CDH12: variants seen among roughly 807,000 people sequenced by gnomAD.
The protein encoded by CDH12 is cadherin-12.
A neutral mutation model predicts 74.1 loss-of-function variants in CDH12; 41 were observed. The ratio of observed to expected loss-of-function variants is 0.55; its 90% CI spans 0.43 to 0.72. The LOEUF (loss-of-function observed/expected upper bound fraction) is 0.72, where lower values mean the gene tolerates loss of function less well. Among genes scored for constraint, CDH12 ranks in the 30% least tolerant of loss-of-function variants. CDH12 has a pLI of 0.00. For missense variants in CDH12, 945 were observed against 977.2 expected, an observed-to-expected ratio of 0.97 and a Z score of 0.44; for synonymous variants, 399 against 355.0, an observed-to-expected ratio of 1.12 and a Z score of -1.39.
chr5:22,491,455 A>G (rs143624740), intron 2 of CDH12, among the ~76,000 whole-genome samples: 13 of 152,176 alleles, frequency 8.5e-5, no homozygotes, highest in Non-Finnish European at 1.8e-4. Context: ...AATTCATGGG[A>G]TCATCTATTA....
intron 10 of CDH12, among the ~76,000 whole-genome samples, chr5:21,783,984 T>C (rs1746064071): frequency 6.6e-6 from 1 of 152,140 alleles, no homozygotes; most frequent in South Asian, 2.1e-4. Flanking sequence ...ATTTGGTAAT[T>C]ATACAAAAAT....
At chr5:21,753,750 C>T (rs16888500) in intron 14 of CDH12, among the ~76,000 whole-genome samples, 6,396 of 152,170 alleles carry the variant, frequency 0.042, 169 homozygotes, top group Middle Eastern at 0.082. Context: ...GCTCTGTGGA[C>T]GCTCTGGAAG....
chr5:22,155,209 A>C (rs1747946068), intron 4 of CDH12, among the ~76,000 whole-genome samples: 1 of 152,142 alleles, frequency 6.6e-6, no homozygotes, highest in South Asian at 2.1e-4. Context: ...CTCTATTTTA[A>C]GGTCAAGTGT....
Position 21,819,220 on chromosome 5 carries a change from T to C in CDH12, c.815-2088A>G, listed in dbSNP as rs550133421. ...ACTACTTTCTTTAGATCATAAATAT[T>C]TCTTAATAGATAAATTAAACCATGA... On this transcript the variant is annotated intron_variant, in intron 8 of 14. Coordinates refer to ENST00000382254, the MANE Select transcript of CDH12 (RefSeq NM_004061.5). Among the ~76,000 whole-genome samples, 17 of 152,098 alleles carry C rather than the reference T, an allele frequency of 1.1e-4. No homozygotes were observed. In the East Asian group the frequency reaches 3.3e-3, roughly 29 times the overall value.
At chr5:22,609,907 A>C (rs2126824667) in intron 1 of CDH12, among the ~76,000 whole-genome samples, 1 of 151,300 alleles carries the variant, frequency 6.6e-6, no homozygotes, top group Admixed American at 6.6e-5. Context: ...CTAGTGTATA[A>C]GCTGATTTAC....
At chr5:21,887,679 T>A (rs1349983685) in intron 6 of CDH12, among the ~76,000 whole-genome samples, 1 of 152,164 alleles carries the variant, frequency 6.6e-6, no homozygotes. Flanking sequence ...CATGGACTTT[T>A]TTGAGTAGCC....
intron 3 of CDH12, among the ~76,000 whole-genome samples, chr5:22,214,731 A>G (rs1189497966): frequency 6.6e-6 from 1 of 152,176 alleles, no homozygotes; most frequent in Non-Finnish European, 1.5e-5. Context: ...ACCAACTAAA[A>G]CAGGTGCACA....
At chr5:21,853,486 T>G (rs574047541) in intron 7 of CDH12, among the ~76,000 whole-genome samples, 1 of 151,590 alleles carries the variant, frequency 6.6e-6, no homozygotes, top group African/African-American at 2.4e-5. Context: ...CTGGCCCCTA[T>G]TGGCTTAATG....
intron 12 of CDH12, among the ~76,000 whole-genome samples, chr5:21,761,501 C>T (rs1744715395): frequency 6.6e-6 from 1 of 152,006 alleles, no homozygotes; most frequent in South Asian, 2.1e-4. Flanking sequence ...GAGTGTTGGC[C>T]AGATAATCAT....
intron 3 of CDH12, among the ~76,000 whole-genome samples, chr5:22,359,209 G>T (rs968340976): frequency 7.9e-5 from 12 of 152,278 alleles, no homozygotes; most frequent in African/African-American, 2.6e-4. Flanking sequence ...GACACACATA[G>T]GCTCAAAATA....
intron 5 of CDH12, among the ~76,000 whole-genome samples, chr5:22,021,297 C>T (rs1029094102): frequency 3.9e-5 from 6 of 152,188 alleles, no homozygotes; most frequent in African/African-American, 1.4e-4. Flanking sequence ...TTTTGAAGCC[C>T]TTTGAATTTT....
At chr5:21,883,641 A>G in intron 6 of CDH12, 1 of 1,612,042 alleles carries the variant, frequency 6.2e-7, no homozygotes, top group Non-Finnish European at 8.5e-7. Flanking sequence ...GGTCATTGTG[A>G]CCAAAGACGA....
In CDH12 at chr5:22,476,350, G is replaced by C. The variant is rs1238556934; in HGVS notation, c.-428+28920C>G. 6.5e-4 allele frequency among the ~76,000 whole-genome samples: 99 copies of C among 152,104 alleles called. 2 individuals carry two copies. The highest frequency in any genetic ancestry group is 2.4e-3 in the African/African-American group (99 of 41,512). ...CAAATTATATGTTTTATTGTTTATT[G>C]AATGGTACACATCATTCATATTAAA... On this transcript the variant is annotated intron_variant, in intron 2 of 14. Transcript: ENST00000382254.
intron 6 of CDH12, among the ~76,000 whole-genome samples, chr5:21,960,010 T>C (rs1009228229): frequency 1.3e-5 from 2 of 149,868 alleles, no homozygotes; most frequent in Non-Finnish European, 3.0e-5. Context: ...AACCTAAATA[T>C]ATATGCACCC....
chr5:21,769,922 A>T (rs1431651715), intron 11 of CDH12, among the ~76,000 whole-genome samples: 1 of 152,236 alleles, frequency 6.6e-6, no homozygotes, highest in Non-Finnish European at 1.5e-5. Context: ...GATGGAAAAC[A>T]TTGATATAAT....
At chr5:22,185,199 C>CTCT (rs1554018728) in intron 4 of CDH12, among the ~76,000 whole-genome samples, 17 of 138,120 alleles carry the variant, frequency 1.2e-4, no homozygotes, top group East Asian at 2.1e-4. Context: ...CTCTCTCTCT[C>CTCT]TTTTTTTTTT....
chr5:22,809,904 A>G (rs1260350238), intron 1 of CDH12, among the ~76,000 whole-genome samples: 6 of 152,130 alleles, frequency 3.9e-5, no homozygotes, highest in Non-Finnish European at 8.8e-5. Flanking sequence ...CCCAATAAAT[A>G]TACTAATTCA....
At chr5:22,087,086 G>A (rs1303702728) in intron 4 of CDH12, among the ~76,000 whole-genome samples, 2 of 152,114 alleles carry the variant, frequency 1.3e-5, no homozygotes, top group African/African-American at 4.8e-5. Flanking sequence ...AGGAGCTTAA[G>A]CAGACAGGAC....
intron 3 of CDH12, among the ~76,000 whole-genome samples, chr5:22,245,683 C>A (rs548769609): frequency 4.8e-4 from 72 of 151,446 alleles, no homozygotes; most frequent in Non-Finnish European, 9.3e-4. Context: ...ATATTTAAAT[C>A]TGTAGTTCAT....
Sources: allele counts gnomAD v4.1 joint callset (sites outside exome capture counted in the v4.1 genomes callset), GRCh38; gene constraint gnomAD v4.1.1; transcripts MANE v1.5; gene names NCBI Gene and HGNC (gene_info 2026-07-23, HGNC 2026-07-21).